The following NSF variants were observed in gnomAD, a reference collection of about 807,000 sequenced individuals.
The protein encoded by NSF is vesicle-fusing ATPase.
NSF carries 14 observed loss-of-function variants against 50.3 expected under a neutral mutation model. The observed-to-expected ratio is 0.28, with a 90% CI of 0.18 to 0.44. The LOEUF is 0.44. NSF is among the 20% of genes least tolerant of loss of function. NSF has a pLI of 1.00. For synonymous variants in NSF, 109 were observed against 175.7 expected, an observed-to-expected ratio of 0.62 and a Z score of 3.00; for missense variants, 218 against 504.3, an observed-to-expected ratio of 0.43 and a Z score of 5.44.
intron 13 of NSF, among the ~76,000 whole-genome samples, chr17:46,708,822 A>ATTTT (rs386627394): frequency 6.4e-5 from 7 of 108,854 alleles, no homozygotes; most frequent in African/African-American, 1.5e-4. Flanking sequence ...ATATATATAT[A>ATTTT]TTTTTTTTTT....
chr17:46,722,474 C>T (rs2058842021), intron 15 of NSF, among the ~76,000 whole-genome samples: 1 of 152,154 alleles, frequency 6.6e-6, no homozygotes, highest in Non-Finnish European at 1.5e-5. Context: ...TTTCCAGTAC[C>T]TCTCCTCCTG....
At chr17:46,727,261 C>A (rs1254642266) in intron 16 of NSF, among the ~76,000 whole-genome samples, 1 of 152,116 alleles carries the variant, frequency 6.6e-6, no homozygotes, top group Non-Finnish European at 1.5e-5. Context: ...AGACTTGGTC[C>A]TGGCACTTAA....
intron 17 of NSF, among the ~76,000 whole-genome samples, chr17:46,735,104 A>G (rs2058987528): frequency 6.6e-6 from 1 of 152,204 alleles, no homozygotes; most frequent in African/African-American, 2.4e-5. Flanking sequence ...AAACATTGCT[A>G]CAGATATCTG....
intron 9 of NSF, among the ~76,000 whole-genome samples, chr17:46,681,557 G>A (rs1053641999): frequency 7.0e-6 from 1 of 142,410 alleles, no homozygotes; most frequent in Non-Finnish European, 1.5e-5. Context: ...ATAACATCTC[G>A]TCTTCAAAAA....
At chr17:46,708,284 GGCTGCAC>G (rs2058676474) in intron 13 of NSF, among the ~76,000 whole-genome samples, 1 of 152,010 alleles carries the variant, frequency 6.6e-6, no homozygotes, top group Non-Finnish European at 1.5e-5. Context: ...TTTCCACGGT[GGCTGCAC>G]CATTTTACAT....
intron 13 of NSF, among the ~76,000 whole-genome samples, chr17:46,710,204 A>G (rs761130387): frequency 6.6e-6 from 1 of 152,154 alleles, no homozygotes; most frequent in Non-Finnish European, 1.5e-5. Flanking sequence ...ATGTTTTCCT[A>G]TTTATTCTGT....
intron 8 of NSF, among the ~76,000 whole-genome samples, chr17:46,671,875 AG>A (rs1213894779): frequency 2.1e-5 from 3 of 144,538 alleles, no homozygotes; most frequent in African/African-American, 7.5e-5. Flanking sequence ...GGAAAGTCTC[AG>A]TCTTGCAAAT....
chr17:46,708,412 T>C (rs901835213), intron 13 of NSF, among the ~76,000 whole-genome samples: 1 of 152,160 alleles, frequency 6.6e-6, no homozygotes. Flanking sequence ...CATCTCATTC[T>C]AGTTTTGATT....
intron 17 of NSF, among the ~76,000 whole-genome samples, chr17:46,746,843 A>G (rs1052610781): frequency 1.3e-5 from 2 of 152,196 alleles, no homozygotes; most frequent in African/African-American, 4.8e-5. Flanking sequence ...AGTAGTACTG[A>G]ATTTTCATGA....
intron 8 of NSF, among the ~76,000 whole-genome samples, chr17:46,657,984 T>TTTA (rs1568023254): frequency 1.4e-4 from 9 of 64,922 alleles, no homozygotes; most frequent in Non-Finnish European, 2.4e-4. Flanking sequence ...TTTTTTTTTT[T>TTTA]GGCGGGGTGG....
chr17:46,679,865 GTGA>G (rs1443210950), intron 9 of NSF, among the ~76,000 whole-genome samples: 2 of 151,120 alleles, frequency 1.3e-5, no homozygotes, highest in Admixed American at 6.6e-5. Flanking sequence ...CAAAGACAAT[GTGA>G]TGATAATAAA....
chr17:46,748,101 T>TTTTA (rs1326028627), intron 17 of NSF, among the ~76,000 whole-genome samples: 5 of 152,224 alleles, frequency 3.3e-5, no homozygotes, highest in South Asian at 4.2e-4. Flanking sequence ...TTTCTAACCT[T>TTTTA]TTTATTTATT....
chr17:46,724,183 C>G (rs538946864), intron 15 of NSF, among the ~76,000 whole-genome samples: 1 of 152,172 alleles, frequency 6.6e-6, no homozygotes, highest in East Asian at 1.9e-4. Flanking sequence ...TGCTTCAAGT[C>G]TCAGGTTAAG....
At chr17:46,728,521 T>C (rs1389371251) in intron 16 of NSF, among the ~76,000 whole-genome samples, 1 of 152,020 alleles carries the variant, frequency 6.6e-6, no homozygotes, top group Non-Finnish European at 1.5e-5. Context: ...CCCAGCTACC[T>C]GGGAGGCTTA....
Position 46,719,235 on chromosome 17 carries a change from A to G in NSF, c.1761+5249A>G, listed in dbSNP as rs889884096. 1.3e-4 allele frequency among the ~76,000 whole-genome samples: 20 copies of G among 152,238 alleles called. No individual in the cohort carries two copies. Among genetic ancestry groups the G allele is most frequent in the Admixed American group, 9.8e-4 (15 of 15,288 alleles). ...AGTCTGTGAAACTGAAAAATATGTA[A>G]CACATTAATTTTTGTTAAAGATGTG... On this transcript the variant is annotated intron_variant, in intron 15 of 20. Coordinates refer to ENST00000398238, the MANE Select transcript of NSF (RefSeq NM_006178.4). This position sits in a 1 kb window ranked among gnomAD's most constrained non-coding sequence, Gnocchi z 4.3.
intron 17 of NSF, among the ~76,000 whole-genome samples, chr17:46,741,770 T>TCTG (rs1555678752): frequency 6.6e-6 from 1 of 151,604 alleles, no homozygotes; most frequent in Non-Finnish European, 1.5e-5. Flanking sequence ...GGTTTTTGTT[T>TCTG]TTGTTGTTGT....
chr17:46,716,318 G>A (rs1344950924), intron 15 of NSF, among the ~76,000 whole-genome samples: 5 of 150,074 alleles, frequency 3.3e-5, no homozygotes, highest in African/African-American at 4.9e-5. Context: ...GTACAGTGGC[G>A]TGATCTCAGC....
chr17:46,720,877 A>T (rs776265159), intron 15 of NSF, among the ~76,000 whole-genome samples: 1 of 152,196 alleles, frequency 6.6e-6, no homozygotes, highest in Non-Finnish European at 1.5e-5. Flanking sequence ...TCCTGAGAGC[A>T]TGCTTGTTGT....
At chr17:46,708,963 T>G (rs1390379682) in intron 13 of NSF, among the ~76,000 whole-genome samples, 7 of 151,550 alleles carry the variant, frequency 4.6e-5, no homozygotes, top group Non-Finnish European at 1.0e-4. Flanking sequence ...TAGCTAGGAC[T>G]GCAGGCTTGC....
Sources: gnomAD v4.1 joint callset for allele counts (sites outside exome capture counted in the v4.1 genomes callset) on GRCh38, gnomAD v4.1.1 for gene constraint, Gnocchi (gnomAD v3.1) non-coding constraint, MANE v1.5 for transcripts, NCBI Gene and HGNC (gene_info 2026-07-23, HGNC 2026-07-21) for gene names.